The following EEF1AKMT1 variants were observed in gnomAD, a reference collection of about 807,000 sequenced individuals.
EEF1AKMT1 encodes the protein N-6 adenine-specific DNA methyltransferase 2 (putative).
In EEF1AKMT1, 18 loss-of-function variants were observed where a neutral mutation model predicts 21.0. The ratio of observed to expected loss-of-function variants is 0.86; its 90% CI spans 0.59 to 1.27. EEF1AKMT1 has a LOEUF of 1.27. EEF1AKMT1 is among the 50% of genes most tolerant of loss of function. The pLI, the probability that EEF1AKMT1 is intolerant of heterozygous loss-of-function variation, is 0.00. For synonymous variants in EEF1AKMT1, 109 were observed against 94.8 expected, an observed-to-expected ratio of 1.15 and a Z score of -0.87; for missense variants, 246 against 258.6, an observed-to-expected ratio of 0.95 and a Z score of 0.33.
intron 2 of EEF1AKMT1, among the ~76,000 whole-genome samples, chr13:20,748,292 C>T (rs1477602759): frequency 1.3e-5 from 2 of 152,052 alleles, no homozygotes; most frequent in Admixed American, 6.5e-5. Flanking sequence ...AGAAATTAGC[C>T]GGGCATGGTG....
At chr13:20,738,790 GAC>G (rs1454938955) in intron 2 of EEF1AKMT1, among the ~76,000 whole-genome samples, 2 of 152,242 alleles carry the variant, frequency 1.3e-5, no homozygotes, top group African/African-American at 2.4e-5. Context: ...AGTCTACAAA[GAC>G]AGTAGATTAG....
rs114155374 is a variant in EEF1AKMT1 at position 20,739,261 on chromosome 13, C to G, written c.145-1456G>C. 2.5e-3 allele frequency among the ~76,000 whole-genome samples: 382 copies of G among 152,248 alleles called. 3 individuals are homozygous for G. Among genetic ancestry groups the G allele is most frequent in the African/African-American group, 8.9e-3 (369 of 41,540 alleles). On this transcript the variant is annotated intron_variant, in intron 2 of 4. Transcript: ENST00000382758. ...TGAGTGTTACAGCTCATAAAGGCAA[C>G]GCAGACCCAAACAGTGAGCAGCAGT...
intron 3 of EEF1AKMT1, 46 bp from the exon 4 acceptor site, chr13:20,732,167 A>G (rs756260756): frequency 1.3e-6 from 2 of 1,551,706 alleles, no homozygotes; most frequent in Admixed American, 2.0e-5. Flanking sequence ...TAACAGAGAG[A>G]TTACGGTGTT....
intron 2 of EEF1AKMT1, among the ~76,000 whole-genome samples, chr13:20,740,425 C>T (rs993863546): frequency 5.5e-4 from 84 of 152,262 alleles, no homozygotes; most frequent in African/African-American, 2.0e-3. Flanking sequence ...CCAGAGTGGG[C>T]GCTGAGGCCG....
At position 20,731,838 on chromosome 13, in the gene EEF1AKMT1, T is replaced by G. The variant is rs371451907; in HGVS notation, c.508+3A>C. The G allele has an allele frequency of 6.2e-7, 1 of 1,610,818 alleles. No individual in the cohort carries two copies. The highest frequency in any genetic ancestry group is 1.7e-5 in the Admixed American group (1 of 59,898). The stretch of plus-strand genomic sequence containing the variant: ...TTGATGAGATATGAAATGCAGCACC[T>G]ACCTGTGCACAGCAGAATCTTGCCC... On this transcript the variant is annotated splice_donor_region_variant and intron_variant, in intron 4 of 4. Transcript: ENST00000382758.
chr13:20,729,743 T>TCTCCTCTCTTCCC (rs1400685588), intron 4 of EEF1AKMT1, among the ~76,000 whole-genome samples: 1 of 151,990 alleles, frequency 6.6e-6, no homozygotes, highest in Non-Finnish European at 1.5e-5. Context: ...CCCTGATTCC[T>TCTCCTCTCTTCCC]CTCCTCTCTT....
In EEF1AKMT1 at chr13:20,728,766, T is replaced by G; in HGVS notation, c.*314A>C. ...AGGCAGAGGCCAAGGTCCTGTCTCA[T>G]TCAGGAGCCCTTGGGCAAGCCACAC... On this transcript the variant is annotated 3_prime_UTR_variant, in exon 5 of 5. Coordinates refer to ENST00000382758, the MANE Select transcript of EEF1AKMT1 (RefSeq NM_001318939.2). 5.7e-6 allele frequency: 2 copies of G among 353,968 alleles called. No individual in the cohort carries two copies. Among genetic ancestry groups the G allele is most frequent in the East Asian group, 6.7e-5 (1 of 15,028 alleles). 21.9% of individuals were successfully genotyped at this position (353,968 alleles called of 1,614,324 possible). A position where few individuals can be genotyped will look rare whatever the true frequency, so the allele number is the denominator to read the frequency against.
intron 2 of EEF1AKMT1, among the ~76,000 whole-genome samples, chr13:20,738,735 C>CCA (rs2058843898): frequency 6.6e-6 from 1 of 152,192 alleles, no homozygotes; most frequent in African/African-American, 2.4e-5. Flanking sequence ...ACACCAAAGG[C>CCA]CACATACTGT....
chr13:20,738,910 T>C (rs772947894), intron 2 of EEF1AKMT1, among the ~76,000 whole-genome samples: 43 of 133,216 alleles, frequency 3.2e-4, no homozygotes, highest in Non-Finnish European at 4.7e-4. Context: ...GTGGTGATAG[T>C]TGTGTGTCCG....
chr13:20,758,989 C>T (rs574722467), intron 1 of EEF1AKMT1, among the ~76,000 whole-genome samples: 9 of 152,128 alleles, frequency 5.9e-5, no homozygotes, highest in African/African-American at 1.4e-4. Flanking sequence ...TAAAACTGGA[C>T]GCCTACCTCT....
chr13:20,752,269 T>C (rs1338871129), intron 2 of EEF1AKMT1, among the ~76,000 whole-genome samples: 1 of 152,216 alleles, frequency 6.6e-6, no homozygotes, highest in Non-Finnish European at 1.5e-5. Flanking sequence ...TTCAGTATGA[T>C]GTTAGCTGTG....
At chr13:20,730,654 G>T (rs2141409054) in intron 4 of EEF1AKMT1, among the ~76,000 whole-genome samples, 1 of 152,206 alleles carries the variant, frequency 6.6e-6, no homozygotes, top group East Asian at 1.9e-4. Context: ...GGTCTAGTGG[G>T]GACTTGGAGA....
intron 4 of EEF1AKMT1, among the ~76,000 whole-genome samples, chr13:20,730,152 A>T (rs1229539756): frequency 1.3e-5 from 2 of 152,158 alleles, no homozygotes; most frequent in Non-Finnish European, 2.9e-5. Flanking sequence ...TTTTATTATT[A>T]TTTTTTAAAA....
intron 2 of EEF1AKMT1, among the ~76,000 whole-genome samples, chr13:20,740,280 C>T (rs12876678): frequency 0.042 from 6,356 of 152,332 alleles, 310 homozygotes; most frequent in African/African-American, 0.11. Flanking sequence ...GCGAGTGCCA[C>T]GCACAGCCCC....
At chr13:20,752,597 T>G (rs957677581) in intron 2 of EEF1AKMT1, among the ~76,000 whole-genome samples, 1 of 152,186 alleles carries the variant, frequency 6.6e-6, no homozygotes, top group African/African-American at 2.4e-5. Flanking sequence ...GATACTGGCC[T>G]GTAATTTTCT....
At chr13:20,753,332 C>T (rs949123376) in intron 2 of EEF1AKMT1, among the ~76,000 whole-genome samples, 1 of 152,098 alleles carries the variant, frequency 6.6e-6, no homozygotes, top group Non-Finnish European at 1.5e-5. Context: ...ATTGTTGAGA[C>T]TTGTTTTCTG....
At chr13:20,743,216 A>G (rs1299594818) in intron 2 of EEF1AKMT1, among the ~76,000 whole-genome samples, 2 of 151,832 alleles carry the variant, frequency 1.3e-5, no homozygotes, top group Non-Finnish European at 2.9e-5. Flanking sequence ...ACAGGTGTCC[A>G]TTACTGGGCC....
intron 4 of EEF1AKMT1, 151 bp downstream of exon 4, chr13:20,731,690 A>G: frequency 1.3e-6 from 1 of 771,322 alleles, no homozygotes; most frequent in Non-Finnish European, 2.1e-6. Flanking sequence ...TATCAGTCCT[A>G]GTTTACAGAT....
chr13:20,736,934 A>ATGT (rs2058829269), intron 3 of EEF1AKMT1, among the ~76,000 whole-genome samples: 1 of 151,436 alleles, frequency 6.6e-6, no homozygotes, highest in Non-Finnish European at 1.5e-5. Context: ...GGGTTTCACC[A>ATGT]TGTTGTCCAG....
Sources: gnomAD v4.1 joint callset for allele counts (sites outside exome capture counted in the v4.1 genomes callset) on GRCh38, gnomAD v4.1.1 for gene constraint, MANE v1.5 for transcripts, NCBI Gene and HGNC (gene_info 2026-07-23, HGNC 2026-07-21) for gene names.